The following SUGCT variants were observed in gnomAD, a reference collection of about 807,000 sequenced individuals.
SUGCT encodes the protein succinyl-CoA:glutarate CoA-transferase.
Under a neutral mutation model 55.0 loss-of-function variants are expected in SUGCT, and 41 were observed. The ratio of observed to expected loss-of-function variants is 0.74; its 90% confidence interval spans 0.58 to 0.97. SUGCT has a LOEUF of 0.97. Among genes scored for constraint, SUGCT ranks in the 50% least tolerant of loss-of-function variants. SUGCT has a pLI of 0.00. For missense variants in SUGCT, 568 were observed against 547.8 expected (o/e 1.04, Z -0.37); for synonymous variants, 187 against 200.4 (o/e 0.93, Z 0.56).
At chr7:40,896,898 C>A in the SUGCT span, among the ~76,000 whole-genome samples, 1 of 152,110 alleles carries the variant, frequency 6.6e-6, no homozygotes, top group East Asian at 1.9e-4. Flanking sequence ...CTCAAATAGT[C>A]AAAGCAATCT....
intron 13 of SUGCT, among the ~76,000 whole-genome samples, chr7:40,764,063 GAAAGT>G (rs1329070328): frequency 1.3e-5 from 2 of 152,090 alleles, no homozygotes; most frequent in East Asian, 3.9e-4. Flanking sequence ...GGCTCAATTA[GAAAGT>G]GGAAAACAGA....
intron 11 of SUGCT, among the ~76,000 whole-genome samples, chr7:40,462,514 G>T (rs765895111): frequency 6.6e-6 from 1 of 152,122 alleles, no homozygotes; most frequent in South Asian, 2.1e-4. Flanking sequence ...AAGAGAGAGC[G>T]TCAAGGGAGG....
At chr7:40,708,249 A>G (rs145588883) in intron 12 of SUGCT, among the ~76,000 whole-genome samples, 1 of 152,170 alleles carries the variant, frequency 6.6e-6, no homozygotes, top group African/African-American at 2.4e-5. Context: ...ATGGTGTCCT[A>G]TACTTACCTC....
intron 7 of SUGCT, among the ~76,000 whole-genome samples, chr7:40,244,543 T>C (rs775987711): frequency 5.3e-5 from 8 of 152,308 alleles, no homozygotes; most frequent in South Asian, 2.1e-4. Flanking sequence ...GGGAGTGATA[T>C]GATGAAAGCT....
At chr7:40,504,406 A>G (rs969099742) in intron 12 of SUGCT, among the ~76,000 whole-genome samples, 2 of 151,732 alleles carry the variant, frequency 1.3e-5, no homozygotes, top group Admixed American at 1.3e-4. Flanking sequence ...AGCCTTCCAA[A>G]GTGCTGGGAT....
intron 12 of SUGCT, among the ~76,000 whole-genome samples, chr7:40,631,439 A>G (rs1171659809): frequency 2.6e-5 from 4 of 152,180 alleles, no homozygotes; most frequent in Non-Finnish European, 4.4e-5. Context: ...TAGTTTCACC[A>G]TTCAACAAAT....
chr7:40,538,099 C>G (rs1030165763), intron 12 of SUGCT: 3 of 152,176 alleles, frequency 2.0e-5, no homozygotes, highest in South Asian at 4.1e-4. Flanking sequence ...TTGTGTTGCT[C>G]TTAATTCATA....
At chr7:40,517,974 G>A (rs1348641639) in intron 12 of SUGCT, among the ~76,000 whole-genome samples, 1 of 152,110 alleles carries the variant, frequency 6.6e-6, no homozygotes, top group Admixed American at 6.6e-5. Flanking sequence ...CAGAATAGTG[G>A]TTGCTGATGC....
the SUGCT span, among the ~76,000 whole-genome samples, chr7:40,889,555 C>A: frequency 6.6e-6 from 1 of 152,112 alleles, no homozygotes; most frequent in Non-Finnish European, 1.5e-5. Flanking sequence ...CATGCTCAGA[C>A]CCCCATAATT....
Position 40,582,774 on chromosome 7 carries a change from C to T in SUGCT, c.1089+86388C>T, listed in dbSNP as rs569849668. Among the ~76,000 whole-genome samples, 543 of 152,280 alleles carry T rather than the reference C, an allele frequency of 3.6e-3. 1 individual carries two copies. The highest frequency in any genetic ancestry group is 0.013 in the African/African-American group (522 of 41,556). On this transcript the variant is annotated intron_variant, in intron 12 of 13. Coordinates refer to ENST00000335693, the MANE Select transcript of SUGCT (RefSeq NM_001193313.2). ...TTAAGGAAACTCTTCGTAGCTTCCT[C>T]ATTGGGTGGGCCCTTAACTCCATGG... is the stretch of plus-strand genomic sequence containing the variant.
intron 13 of SUGCT, among the ~76,000 whole-genome samples, chr7:40,828,987 G>A (rs1432140152): frequency 6.6e-6 from 1 of 152,148 alleles, no homozygotes; most frequent in African/African-American, 2.4e-5. Context: ...CACCGATCAT[G>A]ACCCTACTAA....
the SUGCT span, among the ~76,000 whole-genome samples, chr7:40,986,805 G>A: frequency 6.6e-6 from 1 of 152,016 alleles, no homozygotes; most frequent in Non-Finnish European, 1.5e-5. Context: ...TTTTAAATCA[G>A]GCCATTATGC....
At chr7:40,434,814 T>C (rs988430831) in intron 9 of SUGCT, among the ~76,000 whole-genome samples, 4 of 152,132 alleles carry the variant, frequency 2.6e-5, no homozygotes, top group Non-Finnish European at 4.4e-5. Flanking sequence ...TTTTCCATCA[T>C]TTTTTTCAGT....
At chr7:40,796,785 A>G (rs1489139699) in intron 13 of SUGCT, among the ~76,000 whole-genome samples, 1 of 152,150 alleles carries the variant, frequency 6.6e-6, no homozygotes, top group Non-Finnish European at 1.5e-5. Context: ...TTGTGGAGAA[A>G]ATATTTGACT....
chr7:40,373,434 G>T (rs1217598785), intron 9 of SUGCT, among the ~76,000 whole-genome samples: 1 of 36,402 alleles, frequency 2.7e-5, no homozygotes, highest in East Asian at 8.2e-4. Flanking sequence ...TTTTATTTTT[G>T]AACAGCATTT....
chr7:40,851,429 G>A (rs1584535526), intron 13 of SUGCT, among the ~76,000 whole-genome samples: 1 of 152,202 alleles, frequency 6.6e-6, no homozygotes, highest in East Asian at 1.9e-4. Flanking sequence ...AGTAGTTTTA[G>A]ATGTTATAAT....
At chr7:40,376,439 G>T (rs1784548548) in intron 9 of SUGCT, among the ~76,000 whole-genome samples, 1 of 151,152 alleles carries the variant, frequency 6.6e-6, no homozygotes, top group African/African-American at 2.4e-5. Flanking sequence ...ACCCAGGCTG[G>T]AATGCAGTGG....
intron 13 of SUGCT, among the ~76,000 whole-genome samples, chr7:40,794,034 C>A (rs1367448669): frequency 6.6e-6 from 1 of 151,746 alleles, no homozygotes; most frequent in East Asian, 1.9e-4. Context: ...TTTCTTATAA[C>A]TTTGATTCTT....
intron 6 of SUGCT, among the ~76,000 whole-genome samples, chr7:40,230,173 C>T (rs1435766774): frequency 6.6e-6 from 1 of 152,128 alleles, no homozygotes; most frequent in East Asian, 1.9e-4. Context: ...AGGTCTGTAT[C>T]TTAAAGAGTG....
Sources: allele counts gnomAD v4.1 joint callset (sites outside exome capture counted in the v4.1 genomes callset), GRCh38; gene constraint gnomAD v4.1.1; transcripts MANE v1.5; gene names NCBI Gene and HGNC (gene_info 2026-07-23, HGNC 2026-07-21).